The following TAFA5 variants were observed in gnomAD, a reference collection of about 807,000 sequenced individuals.
TAFA5 encodes the protein chemokine-like protein TAFA-5.
In TAFA5, 6 loss-of-function variants were observed where a neutral mutation model predicts 15.3. That is an observed-to-expected ratio of 0.39 (90% CI 0.21 to 0.77). The LOEUF (loss-of-function observed/expected upper bound fraction) is 0.77. Ranked by LOEUF, TAFA5 falls within the 30% of genes least tolerant of loss-of-function variation. TAFA5 has a pLI of 0.41. For synonymous variants in TAFA5, 103 were observed against 80.7 expected (o/e 1.28, Z -1.48); for missense variants, 161 against 193.1 (o/e 0.83, Z 0.98).
At chr22:48,734,468 C>G (rs542987366) in intron 3 of TAFA5, among the ~76,000 whole-genome samples, 1 of 152,198 alleles carries the variant, frequency 6.6e-6, no homozygotes, top group Non-Finnish European at 1.5e-5. Flanking sequence ...GAAGACTCAC[C>G]CAGGTGTCCT....
At chr22:48,539,289 A>C (rs1922277082) in intron 1 of TAFA5, 2 of 458,560 alleles carry the variant, frequency 4.4e-6, no homozygotes, top group Non-Finnish European at 9.1e-6. Context: ...ACCCTGGCGG[A>C]CTCCTAAATT....
chr22:48,514,655 A>G (rs539114502), intron 1 of TAFA5, among the ~76,000 whole-genome samples: 1 of 152,310 alleles, frequency 6.6e-6, no homozygotes, highest in Admixed American at 6.5e-5. Context: ...CATGCCAGCC[A>G]GGTGACTTGT....
intron 1 of TAFA5, among the ~76,000 whole-genome samples, chr22:48,501,121 C>T (rs8137750): frequency 0.19 from 28,236 of 152,186 alleles, 3,202 homozygotes; most frequent in African/African-American, 0.32. Context: ...CTGCCTTTCT[C>T]GGGCTGTGAG....
intron 1 of TAFA5, among the ~76,000 whole-genome samples, chr22:48,540,147 G>T (rs558583891): frequency 6.6e-6 from 1 of 152,296 alleles, no homozygotes; most frequent in African/African-American, 2.4e-5. Flanking sequence ...TGCCTTCTTG[G>T]GTCTAGCCTT....
At chr22:48,726,504 A>G (rs1341045172) in intron 3 of TAFA5, among the ~76,000 whole-genome samples, 1 of 151,830 alleles carries the variant, frequency 6.6e-6, no homozygotes, top group East Asian at 2.0e-4. Flanking sequence ...ACTACCTTAC[A>G]TACAGAAATA....
intron 3 of TAFA5, among the ~76,000 whole-genome samples, chr22:48,735,041 C>A (rs1045252640): frequency 3.9e-5 from 6 of 152,232 alleles, no homozygotes; most frequent in Admixed American, 1.3e-4. Context: ...ACAGCAAACG[C>A]CTGACCCTGT....
At chr22:48,672,788 G>A (rs1419121261) in intron 2 of TAFA5, among the ~76,000 whole-genome samples, 2 of 152,182 alleles carry the variant, frequency 1.3e-5, no homozygotes, top group Admixed American at 1.3e-4. Context: ...GGAATTTTAT[G>A]TATCTGTGAT....
At chr22:48,505,229 C>T (rs1227055223) in intron 1 of TAFA5, among the ~76,000 whole-genome samples, 1 of 152,234 alleles carries the variant, frequency 6.6e-6, no homozygotes, top group East Asian at 1.9e-4. Flanking sequence ...TGACAAGTCA[C>T]AACTTCCATC....
chr22:48,632,636 G>T (rs1167500438), intron 1 of TAFA5, among the ~76,000 whole-genome samples: 2 of 152,194 alleles, frequency 1.3e-5, no homozygotes, highest in African/African-American at 2.4e-5. Flanking sequence ...CTTGGCTGGG[G>T]AAGCCCCCTC....
chr22:48,623,101 G>A (rs547565718), intron 1 of TAFA5, among the ~76,000 whole-genome samples: 1 of 152,366 alleles, frequency 6.6e-6, no homozygotes, highest in East Asian at 1.9e-4. Context: ...GGCTGCAGGG[G>A]GTGGCGGCGG....
At chr22:48,712,268 G>C (rs2147254681) in intron 3 of TAFA5, among the ~76,000 whole-genome samples, 1 of 152,268 alleles carries the variant, frequency 6.6e-6, no homozygotes. Context: ...TGTTGGCCAG[G>C]CTCGTCTCAA....
chr22:48,731,754 C>T (rs1929875070), intron 3 of TAFA5, among the ~76,000 whole-genome samples: 1 of 152,218 alleles, frequency 6.6e-6, no homozygotes, highest in African/African-American at 2.4e-5. Flanking sequence ...TGCACTTGAT[C>T]ACCCAAGATC....
intron 1 of TAFA5, among the ~76,000 whole-genome samples, chr22:48,610,516 C>T (rs1298994934): frequency 6.6e-6 from 1 of 150,622 alleles, no homozygotes; most frequent in Non-Finnish European, 1.5e-5. Flanking sequence ...CACAGAAGGC[C>T]CATCCCCAGC....
At position 48,541,181 on chromosome 22, in the gene TAFA5, G is replaced by A. The variant is rs137864997; in HGVS notation, c.112+51477G>A. Among the ~76,000 whole-genome samples the A allele has an allele frequency of 5.8e-3, 883 of 152,210 alleles. 6 individuals carry two copies. The highest frequency in any genetic ancestry group is 0.02 in the African/African-American group (844 of 41,526). On this transcript the variant is annotated intron_variant, in intron 1 of 3. Coordinates refer to ENST00000402357, the MANE Select transcript of TAFA5 (RefSeq NM_001082967.3). Reference sequence around the variant, plus strand: ...AGACACCAGGACCCTGTCCTCCCGGGGCGTTTGTACAGGGCCTTGGAAACC... The same window carrying A: ...AGACACCAGGACCCTGTCCTCCCGGAGCGTTTGTACAGGGCCTTGGAAACC...
At chr22:48,640,107 T>C (rs776164062) in intron 1 of TAFA5, among the ~76,000 whole-genome samples, 3 of 152,316 alleles carry the variant, frequency 2.0e-5, no homozygotes, top group Non-Finnish European at 4.4e-5. Flanking sequence ...GTGCAGCAGA[T>C]GGGGCCGGCG....
At chr22:48,572,198 A>G (rs1310688981) in intron 1 of TAFA5, among the ~76,000 whole-genome samples, 1 of 152,228 alleles carries the variant, frequency 6.6e-6, no homozygotes, top group African/African-American at 2.4e-5. Context: ...GCTTTCTGCA[A>G]ACACCTAGTG....
chr22:48,690,003 C>T (rs930837403), intron 2 of TAFA5, among the ~76,000 whole-genome samples: 1 of 152,034 alleles, frequency 6.6e-6, no homozygotes, highest in African/African-American at 2.4e-5. Context: ...GGTGGCCTGG[C>T]GTCCATCACA....
In TAFA5 at chr22:48,719,525, T is replaced by C. The variant is rs186415922; in HGVS notation, c.390+11681T>C. Among the ~76,000 whole-genome samples, 63 of 152,242 alleles carry C rather than the reference T, an allele frequency of 4.1e-4. 1 individual carries two copies. The East Asian group carries it at 0.012, about 29-fold the overall frequency. ...AGAGAGAAGGACATTCCCTACCCTC[T>C]CACCAGCCCAAGAGAGCAGGGTGGT... On this transcript the variant is annotated intron_variant, in intron 3 of 3. Coordinates refer to ENST00000402357, the MANE Select transcript of TAFA5 (RefSeq NM_001082967.3).
rs1928102803 is a variant in TAFA5, at chr22:48,490,336, G to C, written c.112+632G>C. Reference sequence around the variant, plus strand: ...CGGGTCGTGTCTGGGGCCCGAGCTGGTGACCGGCGGGACTGGCGCGGGCGC... The same window carrying C: ...CGGGTCGTGTCTGGGGCCCGAGCTGCTGACCGGCGGGACTGGCGCGGGCGC... On this transcript the variant is annotated intron_variant, in intron 1 of 3. Coordinates refer to ENST00000402357, the MANE Select transcript of TAFA5 (RefSeq NM_001082967.3). This position sits in a 1 kb window ranked among gnomAD's most constrained non-coding sequence, Gnocchi z 5.8. Among the ~76,000 whole-genome samples, 2 of 152,066 alleles carry C rather than the reference G, an allele frequency of 1.3e-5. No homozygotes were observed. The highest frequency in any genetic ancestry group is 4.8e-5 in the African/African-American group (2 of 41,432).
Sources: gnomAD v4.1 joint callset for allele counts (sites outside exome capture counted in the v4.1 genomes callset) on GRCh38, gnomAD v4.1.1 for gene constraint, Gnocchi (gnomAD v3.1) non-coding constraint, MANE v1.5 for transcripts, NCBI Gene and HGNC (gene_info 2026-07-23, HGNC 2026-07-21) for gene names.